Variants in KLC2 observed in about 807,000 individuals in gnomAD.
KLC2 encodes the protein kinesin light chain 2.
KLC2 carries 35 observed loss-of-function variants against 75.1 expected under a neutral mutation model. The ratio of observed to expected loss-of-function variants is 0.47; its 90% CI spans 0.36 to 0.62. The LOEUF (loss-of-function observed/expected upper bound fraction) is 0.62, where lower values mean the gene tolerates loss of function less well. Ranked by LOEUF, KLC2 falls within the 20% of genes least tolerant of loss-of-function variation. The probability of loss-of-function intolerance (pLI) is 0.00; values close to 1 mark genes in which losing one functional copy is unlikely to be tolerated. For synonymous variants in KLC2, 314 were observed against 336.7 expected (o/e 0.93, Z 0.74); for missense variants, 611 against 833.2 (o/e 0.73, Z 3.28).
the KLC2 span, among the ~76,000 whole-genome samples, chr11:66,247,931 C>T: frequency 6.6e-6 from 1 of 152,132 alleles, no homozygotes; most frequent in Non-Finnish European, 1.5e-5. Flanking sequence ...TAGACTCCTA[C>T]CCCGGGCAAA....
intron 2 of KLC2, among the ~76,000 whole-genome samples, chr11:66,260,469 C>G (rs535548657): frequency 2.0e-5 from 3 of 152,286 alleles, no homozygotes; most frequent in East Asian, 3.9e-4. Context: ...GATCCTGAAC[C>G]GGGAAGGACT....
Position 66,262,800 on chromosome 11 carries a change from C to T in KLC2, c.530-14C>T. ...GCAGATGGTACATCTGACCTCCTGC[C>T]CTTGGCCCTGCAGCCCCTAGCCCAG... On this transcript the variant is annotated splice_polypyrimidine_tract_variant and intron_variant, in intron 4 of 15. Transcript: ENST00000394067. 6.3e-7 allele frequency: 1 copy of T among 1,596,074 alleles called. No homozygotes were observed. Among genetic ancestry groups the T allele is most frequent in the Admixed American group, 1.7e-5 (1 of 59,866 alleles).
At chr11:66,262,470 A>T (rs751026694) in intron 4 of KLC2, 1 of 553,564 alleles carries the variant, frequency 1.8e-6, no homozygotes, top group Non-Finnish European at 3.2e-6. Flanking sequence ...TTCCTCTCCG[A>T]ATCACCTCTG....
Position 66,265,989 on chromosome 11 carries a change from G to A in KLC2, c.1579G>A (p.Gly527Arg). The A allele has an allele frequency of 1.9e-6, 3 of 1,611,344 alleles. No homozygotes were observed. Among genetic ancestry groups the A allele is most frequent in the Non-Finnish European group, 2.5e-6 (3 of 1,177,984 alleles). The change falls in exon 13 of 16, where the codon GGA (glycine) becomes AGA (arginine). Residue 527 changes from glycine (G) to arginine (R), a missense_variant. Coordinates refer to ENST00000394067, the MANE Select transcript of KLC2 (RefSeq NM_001318734.2). The stretch of plus-strand genomic sequence containing the variant: ...GTCTGAGTCTGACCTCGAGGACGTG[G>A]GACCTACAGCTGAGTGGAATGGGGT... ...PRSESDLEDVGPTAEWNGDGS... is the reference protein window; with the variant it reads ...PRSESDLEDVRPTAEWNGDGS...
At position 66,264,436 on chromosome 11, in the gene KLC2, C is replaced by CT; in HGVS notation, c.1209dup (p.Val404CysfsTer21). On this transcript the variant is annotated frameshift_variant, in exon 9 of 16. Transcript: ENST00000394067. LOFTEE classifies it high-confidence loss of function. The stretch of plus-strand genomic sequence containing the variant: ...CGCGCTCATGAGAAAGAGTTTGGCT[C>CT]TGTCAATGGTGAGTGCGTGGTCACC... 6.2e-7 allele frequency: 1 copy of CT among 1,612,246 alleles called. No individual in the cohort carries two copies. Among genetic ancestry groups the CT allele is most frequent in the East Asian group, 2.2e-5 (1 of 44,874 alleles).
At position 66,264,194 on chromosome 11, in the gene KLC2, A is replaced by G. The variant is rs978156465; in HGVS notation, c.1091A>G (p.Asn364Ser). 9.6e-6 allele frequency: 15 copies of G among 1,570,422 alleles called. No individual in the cohort carries two copies. The highest frequency in any genetic ancestry group is 4.6e-5 in the South Asian group (4 of 86,352). Reference sequence around the variant, plus strand: ...ACACGCCTCGGGCCCGATGACCCCAATGTGGCCAAGACCAAGAACAACCTG... The same window carrying G: ...ACACGCCTCGGGCCCGATGACCCCAGTGTGGCCAAGACCAAGAACAACCTG... ...YATRLGPDDP[N>S]VAKTKNNLAS... Residue 364 changes from asparagine (N) to serine (S), a missense_variant, in exon 8 of 16, where the codon AAT (asparagine) becomes AGT (serine). Coordinates refer to ENST00000394067, the MANE Select transcript of KLC2 (RefSeq NM_001318734.2).
In KLC2 at chr11:66,266,857, C is replaced by T. The variant is rs1470060114; in HGVS notation, c.1786-16C>T. On this transcript the variant is annotated splice_polypyrimidine_tract_variant and intron_variant, in intron 15 of 15. Coordinates refer to ENST00000394067, the MANE Select transcript of KLC2 (RefSeq NM_001318734.2). ...CAGCAGCACAGGGCTGAGCCACCTG[C>T]CCCCTCTGCCCACAGCCTGGAGGCA... 1.2e-6 allele frequency: 2 copies of T among 1,611,772 alleles called. No homozygotes were observed. Among genetic ancestry groups the T allele is most frequent in the South Asian group, 2.2e-5 (2 of 91,060 alleles).
chr11:66,263,092 C>T, intron 5 of KLC2, 56 bp downstream of exon 5: 6 of 1,360,078 alleles, frequency 4.4e-6, no homozygotes, highest in Non-Finnish European at 5.2e-6. Flanking sequence ...CCCTGGATCA[C>T]TAACCCTTGG....
rs535374067 is a variant in KLC2 at position 66,265,190 on chromosome 11, C to G, written c.1289C>G (p.Pro430Arg). The G allele has an allele frequency of 5.0e-6, 8 of 1,594,458 alleles. No homozygotes were observed. The highest frequency in any genetic ancestry group is 2.2e-5 in the East Asian group (1 of 44,860). Reference sequence around the variant, plus strand: ...CAGGATAAGCGCCGGGACAGCGCCCCCTATGGGGAATACGGCAGCTGGTAC... The same window carrying G: ...CAGGATAAGCGCCGGGACAGCGCCCGCTATGGGGAATACGGCAGCTGGTAC... ...ESKDKRRDSA[P>R]YGEYGSWYKA... is the part of the protein sequence containing the mutation. The change falls in exon 11 of 16, where the codon CCC becomes CGC. Residue 430 changes from proline to arginine, a missense_variant. Pro to Arg is a moderately radical substitution (Grantham distance 103). Transcript: ENST00000394067.
At chr11:66,264,844 G>A (rs1856703258) in intron 9 of KLC2, 179 bp from the exon 10 acceptor site, 2 of 613,466 alleles carry the variant, frequency 3.3e-6, no homozygotes, top group African/African-American at 1.9e-5. Flanking sequence ...TGAGGTGCAA[G>A]GGTCTGTTCT....
chr11:66,254,664 TAAAA>T (rs34541214), upstream of KLC2, among the ~76,000 whole-genome samples: 8 of 107,858 alleles, frequency 7.4e-5, no homozygotes, highest in Middle Eastern at 5.3e-3. Flanking sequence ...CCTCGGCTCT[TAAAA>T]AAAAAAAAAA....
Position 66,261,913 on chromosome 11 carries a change from A to G in KLC2, c.400A>G (p.Lys134Glu). ...EQAVAQLEEE[K>E]QHLLFMSQIR... Reference sequence around the variant, plus strand: ...GGCCGTGGCCCAGCTCGAGGAGGAGAAGCAGCACTTGCTGTTCATGAGCCA... The same window carrying G: ...GGCCGTGGCCCAGCTCGAGGAGGAGGAGCAGCACTTGCTGTTCATGAGCCA... Residue 134 changes from lysine to glutamate, a missense_variant, in exon 3 of 16, where the codon AAG (lysine) becomes GAG (glutamate). Lys to Glu is a moderately conservative substitution (Grantham distance 56, BLOSUM62 1). Transcript: ENST00000394067. 1 of 1,614,082 alleles carries G rather than the reference A, an allele frequency of 6.2e-7. No homozygotes were observed. Among genetic ancestry groups the G allele is most frequent in the Non-Finnish European group, 8.5e-7 (1 of 1,179,994 alleles).
At position 66,262,124 on chromosome 11, in the gene KLC2, A is replaced by C. The variant is rs1348177416; in HGVS notation, c.461A>C (p.Glu154Ala). The C allele has an allele frequency of 6.2e-7, 1 of 1,612,802 alleles. No homozygotes were observed. Among genetic ancestry groups the C allele is most frequent in the South Asian group, 1.1e-5 (1 of 91,034 alleles). Residue 154 changes from glutamate to alanine, a missense_variant and splice_region_variant, in exon 4 of 16, where the codon GAG (glutamate) becomes GCG (alanine). Coordinates refer to ENST00000394067, the MANE Select transcript of KLC2 (RefSeq NM_001318734.2). ...TGCTCATCCTGTCTTCCTTCCCAGG[A>C]GGAGAAGGGGGACGTCCCCAAAGAC... ...RKLDEDASPNEEKGDVPKDTL... is the reference protein window; with the variant it reads ...RKLDEDASPNAEKGDVPKDTL...
rs143290832 is a variant in KLC2, at chr11:66,264,337, G to A, written c.1117-8G>A. On this transcript the variant is annotated splice_polypyrimidine_tract_variant and splice_region_variant and intron_variant, in intron 8 of 15. Coordinates refer to ENST00000394067, the MANE Select transcript of KLC2 (RefSeq NM_001318734.2). ...ATCCCGCTCACTCTCTGGGTCTCCC[G>A]CTTCCAGGCTTCCTGCTACCTGAAG... The A allele has an allele frequency of 7.2e-3, 11,621 of 1,608,412 alleles. 209 individuals carry two copies. The Admixed American group carries it at 0.073, about 10-fold the overall frequency.
chr11:66,249,692 T>C, the KLC2 span, among the ~76,000 whole-genome samples: 1 of 152,082 alleles, frequency 6.6e-6, no homozygotes, highest in African/African-American at 2.4e-5. Flanking sequence ...TCTAACCACT[T>C]ATGTTGCGAC....
chr11:66,264,454 T>TG lies in KLC2; in HGVS notation c.1216+12dup. The TG allele has an allele frequency of 6.3e-7, 1 of 1,581,364 alleles. No homozygotes were observed. Among genetic ancestry groups the TG allele is most frequent in the Non-Finnish European group, 8.7e-7 (1 of 1,151,516 alleles). On this transcript the variant is annotated intron_variant, in intron 9 of 15. Transcript: ENST00000394067. ...TTTGGCTCTGTCAATGGTGAGTGCG[T>TG]GGTCACCAGGTGCCTCTAGCCCATC...
chr11:66,266,493 A>AG lies in KLC2; in HGVS notation c.1785+7dup, dbSNP rs1856834046. The AG allele has an allele frequency of 6.2e-7, 1 of 1,613,810 alleles. No homozygotes were observed. Among genetic ancestry groups the AG allele is most frequent in the Non-Finnish European group, 8.5e-7 (1 of 1,179,930 alleles). ...AGAGCGTGGAAGAGCCGACCCAGGT[A>AG]GGGGCAGGCGGGTGTCTGGGCACTG... is the stretch of plus-strand genomic sequence containing the variant. On this transcript the variant is annotated splice_donor_region_variant and intron_variant, in intron 15 of 15. Transcript: ENST00000394067.
intron 14 of KLC2, 58 bp from the exon 15 acceptor site, chr11:66,266,375 G>GC: frequency 6.7e-7 from 1 of 1,485,686 alleles, no homozygotes. Context: ...CCTTCTCCCT[G>GC]CCCCCATCTC....
chr11:66,264,455 G>C lies in KLC2; in HGVS notation c.1216+11G>C, dbSNP rs548321757. The C allele has an allele frequency of 6.3e-7, 1 of 1,574,922 alleles. No individual in the cohort carries two copies. Among genetic ancestry groups the C allele is most frequent in the South Asian group, 1.1e-5 (1 of 89,534 alleles). On this transcript the variant is annotated intron_variant, in intron 9 of 15. Transcript: ENST00000394067. ...TTGGCTCTGTCAATGGTGAGTGCGT[G>C]GTCACCAGGTGCCTCTAGCCCATCC...
Sources: allele counts gnomAD v4.1 joint callset (sites outside exome capture counted in the v4.1 genomes callset), GRCh38; gene constraint gnomAD v4.1.1; transcripts MANE v1.5; gene names NCBI Gene and HGNC (gene_info 2026-07-23, HGNC 2026-07-21).